Variants in DCAF10 observed in about 807,000 individuals in gnomAD.
DCAF10 encodes DDB1 and CUL4 associated factor 10, also known as DDB1- and CUL4-associated factor 10.
In DCAF10, 19 loss-of-function variants were observed where a neutral mutation model predicts 51.9. That is an observed-to-expected ratio of 0.37 (90% confidence interval 0.26 to 0.54). The LOEUF (loss-of-function observed/expected upper bound fraction) is 0.54, where lower values mean the gene tolerates loss of function less well. Ranked by LOEUF, DCAF10 falls within the 20% of genes least tolerant of loss-of-function variation. DCAF10 has a pLI of 0.87. For missense variants in DCAF10, 510 were observed against 730.6 expected (o/e 0.70, Z 3.48); for synonymous variants, 291 against 297.1 (o/e 0.98, Z 0.21).
intron 2 of DCAF10, among the ~76,000 whole-genome samples, chr9:37,821,998 CAACA>C (rs1829716894): frequency 6.6e-6 from 1 of 151,728 alleles, no homozygotes; most frequent in Non-Finnish European, 1.5e-5. Flanking sequence ...TTCATATGAC[CAACA>C]AACATATGAA....
chr9:37,857,468 G>A (rs982847749), intron 5 of DCAF10, 117 bp downstream of exon 5: 5 of 691,166 alleles, frequency 7.2e-6, no homozygotes, highest in Non-Finnish European at 1.1e-5. Flanking sequence ...AAGCAATGGA[G>A]ATGAGGTGAT....
chr9:37,850,829 TATATATATA>T lies in DCAF10; in HGVS notation c.852-3950_852-3942del, dbSNP rs1830616078. ...GCTAAGTATGTGAGGATATATTTTATATATATATATATATATATATATATATATATATAT... is the reference window on the plus strand; with the variant it reads ...GCTAAGTATGTGAGGATATATTTTATTATATATATATATATATATATATAT... On this transcript the variant is annotated intron_variant, in intron 3 of 6. Transcript: ENST00000377724. 8.7e-3 allele frequency among the ~76,000 whole-genome samples: 591 copies of T among 67,868 alleles called. 20 individuals carry two copies. Among genetic ancestry groups the T allele is most frequent in the Non-Finnish European group, 0.011 (429 of 38,494 alleles). 44.5% of individuals were successfully genotyped at this position (67,868 alleles called of 152,430 possible).
chr9:37,863,299 CT>C lies in DCAF10; in HGVS notation c.*1792del, dbSNP rs1831064175. On this transcript the variant is annotated 3_prime_UTR_variant, in exon 7 of 7. Coordinates refer to ENST00000377724, the MANE Select transcript of DCAF10 (RefSeq NM_024345.5). Reference sequence around the variant, plus strand: ...CGAGATTGCACCACTGCACTCCAGCCTAGGCGACAGAGCGAGACTCTGTCTC... The same window carrying C: ...CGAGATTGCACCACTGCACTCCAGCCAGGCGACAGAGCGAGACTCTGTCTC... The C allele has an allele frequency of 7.5e-6, 1 of 133,118 alleles. No homozygotes were observed. The allele number at this position is 133,118 out of a possible 1,614,324, so 8.2% of individuals were successfully genotyped here. A position where few individuals can be genotyped will look rare whatever the true frequency, so the allele number is the denominator to read the frequency against.
chr9:37,844,523 C>T (rs745523012), intron 3 of DCAF10, among the ~76,000 whole-genome samples: 153 of 152,174 alleles, frequency 1.0e-3, no homozygotes, highest in Admixed American at 1.2e-3. Flanking sequence ...TGGTGGCTGG[C>T]ACCTGTAATC....
rs761258998 is a variant in DCAF10, at chr9:37,801,275, T to A, written c.409T>A (p.Phe137Ile). The change falls in exon 1 of 7, where the codon TTC becomes ATC. Residue 137 changes from phenylalanine (F) to isoleucine (I), a missense_variant. Phe to Ile is a conservative substitution (Grantham distance 21, BLOSUM62 0). This residue lies in a region of DCAF10 where 251 missense variants were observed against 227.9 expected (regional missense o/e 1.10). Transcript: ENST00000377724. This position sits in a 1 kb window ranked among gnomAD's most constrained non-coding sequence, Gnocchi z 5.5. ...LKERSLGRGLFVDPARDNFRT... is the reference protein window; with the variant it reads ...LKERSLGRGLIVDPARDNFRT... ...AGAGCGCAGCCTGGGCCGCGGGCTGTTCGTGGACCCGGCGCGGGACAATTT... is the reference window on the plus strand; with the variant it reads ...AGAGCGCAGCCTGGGCCGCGGGCTGATCGTGGACCCGGCGCGGGACAATTT... 3 of 1,595,286 alleles carry A rather than the reference T, an allele frequency of 1.9e-6. No homozygotes were observed. The African/African-American group carries it at 4.1e-5, about 22-fold the overall frequency.
At chr9:37,853,547 C>T (rs1830755800) in intron 3 of DCAF10, among the ~76,000 whole-genome samples, 1 of 150,522 alleles carries the variant, frequency 6.6e-6, no homozygotes, top group African/African-American at 2.5e-5. Flanking sequence ...TATACATTGA[C>T]TGTAAATTCT....
At chr9:37,814,491 G>A (rs937374639) in intron 1 of DCAF10, among the ~76,000 whole-genome samples, 1 of 150,478 alleles carries the variant, frequency 6.6e-6, no homozygotes, top group Non-Finnish European at 1.5e-5. Flanking sequence ...GTGTTGCCAG[G>A]CTGATCTCAA....
chr9:37,831,629 T>C (rs903161591), intron 2 of DCAF10, among the ~76,000 whole-genome samples: 1 of 152,188 alleles, frequency 6.6e-6, no homozygotes, highest in African/African-American at 2.4e-5. Context: ...TATTATCTTG[T>C]AAAATAAAAA....
chr9:37,819,274 T>C lies in DCAF10; in HGVS notation c.540-14T>C, dbSNP rs1205966290. ...TAGAAAACTAAACAAGATAAATGTGTCATTTGCTTTCAGGTCAGTGCTGAC... is the reference window on the plus strand; with the variant it reads ...TAGAAAACTAAACAAGATAAATGTGCCATTTGCTTTCAGGTCAGTGCTGAC... On this transcript the variant is annotated splice_polypyrimidine_tract_variant and intron_variant, in intron 1 of 6. Transcript: ENST00000377724. The C allele has an allele frequency of 1.9e-6, 3 of 1,596,328 alleles. No homozygotes were observed. Among genetic ancestry groups the C allele is most frequent in the Non-Finnish European group, 2.6e-6 (3 of 1,165,946 alleles).
chr9:37,807,898 G>T (rs1037964209), intron 1 of DCAF10, among the ~76,000 whole-genome samples: 1 of 151,986 alleles, frequency 6.6e-6, no homozygotes, highest in South Asian at 2.1e-4. Context: ...CTGACCTCAG[G>T]TGATCCACCC....
At position 37,853,413 on chromosome 9, in the gene DCAF10, CAAAAAAA is replaced by C. The variant is rs34861994; in HGVS notation, c.852-1354_852-1348del. Reference sequence around the variant, plus strand: ...GGGCGACAAGAGCAAAACTCCATCTCAAAAAAAAAAAAAAAAAAATTCTGAGGGATAT... The same window carrying C: ...GGGCGACAAGAGCAAAACTCCATCTCAAAAAAAAAAAATTCTGAGGGATAT... On this transcript the variant is annotated intron_variant, in intron 3 of 6. Transcript: ENST00000377724. 1.6e-3 allele frequency among the ~76,000 whole-genome samples: 183 copies of C among 111,806 alleles called. 1 individual carries two copies. The highest frequency in any genetic ancestry group is 5.7e-3 in the African/African-American group (177 of 31,098). 73.3% of individuals were successfully genotyped at this position (111,806 alleles called of 152,430 possible). A position where few individuals can be genotyped will look rare whatever the true frequency, so the allele number is the denominator to read the frequency against.
At chr9:37,858,018 A>G (rs963152003) in intron 5 of DCAF10, among the ~76,000 whole-genome samples, 1 of 151,946 alleles carries the variant, frequency 6.6e-6, no homozygotes, top group Non-Finnish European at 1.5e-5. Flanking sequence ...ACTGAGTATT[A>G]AGAGCCAGAG....
At chr9:37,809,875 G>A (rs1175148103) in intron 1 of DCAF10, among the ~76,000 whole-genome samples, 4 of 151,408 alleles carry the variant, frequency 2.6e-5, no homozygotes, top group Admixed American at 2.0e-4. Flanking sequence ...GGGCGGCCGT[G>A]CGCGGTGGCT....
chr9:37,833,987 T>A (rs1362181084), intron 2 of DCAF10, among the ~76,000 whole-genome samples: 2 of 152,226 alleles, frequency 1.3e-5, no homozygotes, highest in Non-Finnish European at 2.9e-5. Flanking sequence ...CCGCCTAGGC[T>A]GGAGTGCAGT....
chr9:37,836,234 T>C, intron 2 of DCAF10: 1 of 1,548,402 alleles, frequency 6.5e-7, no homozygotes, highest in Non-Finnish European at 8.9e-7. Flanking sequence ...AGTTAGAACA[T>C]CTAACTGGAA....
intron 3 of DCAF10, among the ~76,000 whole-genome samples, chr9:37,853,520 A>T (rs1830754831): frequency 6.7e-6 from 1 of 150,276 alleles, no homozygotes; most frequent in African/African-American, 2.5e-5. Context: ...ATTGTTAAGC[A>T]TGTATGTAAA....
At chr9:37,809,649 C>T (rs1312482633) in intron 1 of DCAF10, among the ~76,000 whole-genome samples, 1 of 151,746 alleles carries the variant, frequency 6.6e-6, no homozygotes, top group African/African-American at 2.4e-5. Context: ...GCCTGGCTAA[C>T]AGGCGAAGCC....
At chr9:37,851,513 GC>G (rs1296132770) in intron 3 of DCAF10, among the ~76,000 whole-genome samples, 1 of 149,038 alleles carries the variant, frequency 6.7e-6, no homozygotes, top group Non-Finnish European at 1.5e-5. Flanking sequence ...GGCATAAACT[GC>G]CTGGGCACAG....
intron 1 of DCAF10, among the ~76,000 whole-genome samples, chr9:37,808,120 A>G (rs986251907): frequency 1.3e-5 from 2 of 152,064 alleles, no homozygotes; most frequent in African/African-American, 4.8e-5. Context: ...TCTCACCACA[A>G]TGTGATCACT....
Sources: gnomAD v4.1 joint callset for allele counts (sites outside exome capture counted in the v4.1 genomes callset) on GRCh38, gnomAD v4.1.1 for gene constraint, gnomAD v4.1.1 regional missense constraint, Gnocchi (gnomAD v3.1) non-coding constraint, MANE v1.5 for transcripts, NCBI Gene and HGNC (gene_info 2026-07-23, HGNC 2026-07-21) for gene names.